UGT1A6: variants seen among roughly 807,000 people sequenced by gnomAD.
The protein encoded by UGT1A6 is UDP-glucuronosyltransferase 1A6.
UGT1A6 carries 32 observed loss-of-function variants against 44.4 expected under a neutral mutation model. That is an observed-to-expected ratio of 0.72 (90% confidence interval 0.54 to 0.97). UGT1A6 has a LOEUF of 0.97. Ranked by LOEUF, UGT1A6 falls within the 50% of genes least tolerant of loss-of-function variation. The pLI is 0.00. For missense variants in UGT1A6, 685 were observed against 661.9 expected, an observed-to-expected ratio of 1.03 and a Z score of -0.38; for synonymous variants, 238 against 248.5, an observed-to-expected ratio of 0.96 and a Z score of 0.40.
intron 1 of UGT1A6, among the ~76,000 whole-genome samples, chr2:233,737,637 G>T (rs1475956364): frequency 6.6e-6 from 1 of 152,182 alleles, no homozygotes; most frequent in Non-Finnish European, 1.5e-5. Context: ...CATCTTCTGC[G>T]TCGATCATGC....
At chr2:233,706,301 T>C (rs746446556) in intron 1 of UGT1A6, among the ~76,000 whole-genome samples, 9 of 152,168 alleles carry the variant, frequency 5.9e-5, no homozygotes, top group Non-Finnish European at 1.2e-4. Context: ...CCAGGTACTA[T>C]GTAGATAGTG....
intron 1 of UGT1A6, among the ~76,000 whole-genome samples, chr2:233,724,658 G>T (rs1029278749): frequency 7.0e-6 from 1 of 142,980 alleles, no homozygotes; most frequent in South Asian, 2.5e-4. Context: ...GGGAAGAGGC[G>T]CTCCTCACTT....
chr2:233,733,388 G>A (rs1393287938), intron 1 of UGT1A6, among the ~76,000 whole-genome samples: 2 of 152,180 alleles, frequency 1.3e-5, no homozygotes. Flanking sequence ...TTTTGTGCCA[G>A]TTTTCAAAGG....
Position 233,697,029 on chromosome 2 carries a change from G to A in UGT1A6, c.861+3164G>A, listed in dbSNP as rs561369376. ...CTATGTTCGTCAGAGATATGGGCCC[G>A]CAGTTTTCTTTTTTTTTGTTGTGTC... On this transcript the variant is annotated intron_variant, in intron 1 of 4. Transcript: ENST00000305139. 2.5e-4 allele frequency among the ~76,000 whole-genome samples: 38 copies of A among 152,092 alleles called. No homozygotes were observed. In the South Asian group the frequency reaches 7.3e-3, roughly 29 times the overall value.
At position 233,767,890 on chromosome 2, in the gene UGT1A6, G is replaced by A. The variant is rs770433443; in HGVS notation, c.1035G>A (p.Ala345=). The A allele has an allele frequency of 2.3e-5, 37 of 1,613,976 alleles. 1 individual carries two copies. The highest frequency in any genetic ancestry group is 1.6e-4 in the Middle Eastern group (1 of 6,082). The part of the protein sequence containing the change: ...RYTGTRPSNL[A]NNTILVKWLP... ...CTGGAACCCGACCATCGAATCTTGC[G>A]AACAACACGATACTTGTTAAGTGGC... is the stretch of plus-strand genomic sequence containing the variant. The change falls in exon 3 of 5, where the codon GCG becomes GCA. Residue 345 remains alanine (A), a synonymous_variant. Transcript: ENST00000305139.
chr2:233,743,991 G>C (rs368834284), intron 1 of UGT1A6: 29 of 1,251,932 alleles, frequency 2.3e-5, no homozygotes, highest in African/African-American at 7.8e-5. Context: ...GCGCAGGCCC[G>C]AGTGCTCGGA....
Position 233,693,601 on chromosome 2 carries a change from T to A in UGT1A6, c.597T>A (p.Phe199Leu), listed in dbSNP as rs777955956. Residue 199 changes from phenylalanine (F) to leucine (L), a missense_variant, in exon 1 of 5, where the codon TTT becomes TTA. By Grantham distance (22) the Phe-to-Leu change is conservative. Coordinates refer to ENST00000305139, the MANE Select transcript of UGT1A6 (RefSeq NM_001072.4). ...ACATTCCCAGGTGCTACACAAAGTT[T>A]TCAGACCACATGACTTTTTCCCAAC... ...VSYIPRCYTK[F>L]SDHMTFSQRV... The A allele has an allele frequency of 1.1e-5, 17 of 1,614,056 alleles. No homozygotes were observed. Among genetic ancestry groups the A allele is most frequent in the Non-Finnish European group, 1.2e-5 (14 of 1,180,038 alleles).
intron 1 of UGT1A6, chr2:233,729,897 C>G: frequency 6.2e-7 from 1 of 1,613,908 alleles, no homozygotes; most frequent in Non-Finnish European, 8.5e-7. Context: ...TGTGGCTGTT[C>G]CGAGGGGACT....
At chr2:233,762,544 T>C (rs755070967) in intron 1 of UGT1A6, among the ~76,000 whole-genome samples, 100 of 152,370 alleles carry the variant, frequency 6.6e-4, no homozygotes, top group Middle Eastern at 6.8e-3. Flanking sequence ...TACCACAGTG[T>C]ATTCTGCTGG....
intron 1 of UGT1A6, chr2:233,713,821 G>C: frequency 1.2e-6 from 2 of 1,614,060 alleles, no homozygotes; most frequent in Non-Finnish European, 1.7e-6. Flanking sequence ...GTCTTCATTG[G>C]GGGCATCAAC....
intron 1 of UGT1A6, chr2:233,718,874 C>A: frequency 6.2e-7 from 1 of 1,613,892 alleles, no homozygotes; most frequent in Non-Finnish European, 8.5e-7. Flanking sequence ...GACTGCTGCT[C>A]CTCCTCAGTG....
intron 1 of UGT1A6, among the ~76,000 whole-genome samples, chr2:233,730,736 G>A (rs896842159): frequency 4.6e-5 from 7 of 152,232 alleles, no homozygotes; most frequent in Non-Finnish European, 2.9e-5. Flanking sequence ...TGGCGGAAGG[G>A]GCTAGGGAGG....
At position 233,769,903 on chromosome 2, in the gene UGT1A6, G is replaced by C. The variant is rs1699979126; in HGVS notation, c.1301+1464G>C. On this transcript the variant is annotated intron_variant, in intron 4 of 4. Transcript: ENST00000305139. The surrounding 1 kb of genome is among the most constrained non-coding windows in gnomAD (Gnocchi z 4.4). ...AAAGTCCACATAACCTGAGCATCATGTGCCCAGAGCGTTGGGTGGTGTGGT... is the reference window on the plus strand; with the variant it reads ...AAAGTCCACATAACCTGAGCATCATCTGCCCAGAGCGTTGGGTGGTGTGGT... 1 of 333,056 alleles carries C rather than the reference G, an allele frequency of 3.0e-6. No individual in the cohort carries two copies. The highest frequency in any genetic ancestry group is 6.0e-5 in the East Asian group (1 of 16,780). 20.6% of individuals were successfully genotyped at this position (333,056 alleles called of 1,614,324 possible).
At chr2:233,731,558 G>C (rs955136214) in intron 1 of UGT1A6, among the ~76,000 whole-genome samples, 5 of 152,170 alleles carry the variant, frequency 3.3e-5, no homozygotes, top group Non-Finnish European at 5.9e-5. Context: ...CCATGTGATA[G>C]TTTGCTGAGA....
At chr2:233,698,865 T>A (rs1197364655) in intron 1 of UGT1A6, among the ~76,000 whole-genome samples, 1 of 152,248 alleles carries the variant, frequency 6.6e-6, no homozygotes, top group East Asian at 1.9e-4. Context: ...TTGGTGTGAC[T>A]TTGCGACTTT....
intron 1 of UGT1A6, among the ~76,000 whole-genome samples, 167 bp from the exon 2 acceptor site, chr2:233,766,867 G>A (rs568299850): frequency 5.3e-5 from 8 of 152,308 alleles, no homozygotes; most frequent in African/African-American, 1.7e-4. Flanking sequence ...AAGTAAAGGA[G>A]AGGAAAATGC....
chr2:233,704,256 C>CTAT (rs1553607930), intron 1 of UGT1A6, among the ~76,000 whole-genome samples: 4 of 123,680 alleles, frequency 3.2e-5, no homozygotes, highest in African/African-American at 1.3e-4. Context: ...GCCTTTATTG[C>CTAT]TTTTTTTTTT....
intron 1 of UGT1A6, among the ~76,000 whole-genome samples, chr2:233,750,203 C>A (rs1694389786): frequency 6.6e-6 from 1 of 151,828 alleles, no homozygotes; most frequent in African/African-American, 2.4e-5. Context: ...GAAGTCCAGG[C>A]TGAGTCTCAG....
intron 1 of UGT1A6, among the ~76,000 whole-genome samples, chr2:233,695,847 GT>G (rs912081326): frequency 5.5e-4 from 84 of 152,232 alleles, no homozygotes; most frequent in African/African-American, 1.8e-3. Flanking sequence ...GGTTTTTCCT[GT>G]TTTCTCACTC....
Sources: gnomAD v4.1 joint callset for allele counts (sites outside exome capture counted in the v4.1 genomes callset) on GRCh38, gnomAD v4.1.1 for gene constraint, Gnocchi (gnomAD v3.1) non-coding constraint, MANE v1.5 for transcripts, NCBI Gene and HGNC (gene_info 2026-07-23, HGNC 2026-07-21) for gene names.